Variants in TESMIN observed in about 807,000 individuals in gnomAD.
TESMIN encodes the protein CXC domain containing 2.
A neutral mutation model predicts 47.4 loss-of-function variants in TESMIN; 34 were observed. That is an observed-to-expected ratio of 0.72 (90% CI 0.55 to 0.96). TESMIN has a LOEUF of 0.96. Among genes scored for constraint, TESMIN ranks in the 40% least tolerant of loss-of-function variants. TESMIN has a pLI of 0.00. For synonymous variants in TESMIN, 278 were observed against 258.9 expected (o/e 1.07, Z -0.71); for missense variants, 610 against 637.2 (o/e 0.96, Z 0.46).
intron 6 of TESMIN, among the ~76,000 whole-genome samples, chr11:68,727,580 A>G (rs533864022): frequency 7.7e-4 from 117 of 152,262 alleles, no homozygotes; most frequent in Non-Finnish European, 1.3e-3. Flanking sequence ...ACTCTATGAA[A>G]TAATTGTCCA....
downstream of TESMIN, among the ~76,000 whole-genome samples, chr11:68,706,324 G>A (rs1945997240): frequency 6.6e-6 from 1 of 152,208 alleles, no homozygotes; most frequent in African/African-American, 2.4e-5. Flanking sequence ...GCCCAGGTTG[G>A]CTCTTCCCTC....
In TESMIN at chr11:68,708,105, C is replaced by A; in HGVS notation, c.*203G>T. The A allele has an allele frequency of 3.5e-6, 2 of 573,704 alleles. No individual in the cohort carries two copies. The highest frequency in any genetic ancestry group is 6.2e-6 in the Non-Finnish European group (2 of 323,138). 35.5% of individuals were successfully genotyped at this position (573,704 alleles called of 1,614,324 possible). On this transcript the variant is annotated 3_prime_UTR_variant, in exon 10 of 10. Transcript: ENST00000255087. ...AGCTCTCTCCTCTGGGCCAGACAAA[C>A]AATGCTCAGGCCATGCACCTCCTCA... is the stretch of plus-strand genomic sequence containing the variant.
In TESMIN at chr11:68,718,982, C is replaced by T. The variant is rs1018436335; in HGVS notation, c.918-3043G>A. ...TCCTCATGGAAGCTACTGGAGAAGG[C>T]ACTGCACCAAAATGAGGCTGTGAAT... On this transcript the variant is annotated intron_variant, in intron 6 of 9. Coordinates refer to ENST00000255087, the MANE Select transcript of TESMIN (RefSeq NM_004923.3). Among the ~76,000 whole-genome samples the T allele has an allele frequency of 2.0e-5, 3 of 152,214 alleles. No homozygotes were observed. In the South Asian group the frequency reaches 6.2e-4, roughly 31 times the overall value.
Position 68,707,767 on chromosome 11 carries a change from T to A in TESMIN, c.*541A>T, listed in dbSNP as rs952679694. ...GACAGTTCGCGTGCCTCTGGGGAAA[T>A]ATCTACGCTACAGAAAATCTTTAGG... On this transcript the variant is annotated 3_prime_UTR_variant, in exon 10 of 10. Coordinates refer to ENST00000255087, the MANE Select transcript of TESMIN (RefSeq NM_004923.3). 3 of 452,520 alleles carry A rather than the reference T, an allele frequency of 6.6e-6. No homozygotes were observed. Among genetic ancestry groups the A allele is most frequent in the Non-Finnish European group, 1.3e-5 (3 of 224,028 alleles). 28.0% of individuals were successfully genotyped at this position (452,520 alleles called of 1,614,324 possible).
intron 6 of TESMIN, chr11:68,738,078 T>A (rs1250417335): frequency 2.0e-6 from 2 of 985,630 alleles, no homozygotes; most frequent in African/African-American, 3.5e-5. Flanking sequence ...ACCTGATAAT[T>A]TCAACCAGCT....
chr11:68,736,691 C>T, intron 6 of TESMIN: 1 of 980,868 alleles, frequency 1.0e-6, no homozygotes, highest in East Asian at 1.1e-4. Flanking sequence ...TATTTTGTAA[C>T]ATTCAAAATA....
chr11:68,720,045 A>G (rs6591352), intron 6 of TESMIN, among the ~76,000 whole-genome samples: 103,546 of 151,520 alleles, frequency 0.68, 36,248 homozygotes, highest in East Asian at 0.86. Flanking sequence ...TAGAGTAGAA[A>G]GATACATTAC....
Position 68,708,260 on chromosome 11 carries a change from G to C in TESMIN, c.*48C>G, listed in dbSNP as rs367894994. On this transcript the variant is annotated 3_prime_UTR_variant, in exon 10 of 10. Coordinates refer to ENST00000255087, the MANE Select transcript of TESMIN (RefSeq NM_004923.3). The stretch of plus-strand genomic sequence containing the variant: ...TCCCCTAAACATCCTTTCTAAACTA[G>C]AGATTTCTAGACTAAGACAAAATCA... 1 of 1,503,642 alleles carries C rather than the reference G, an allele frequency of 6.7e-7. No individual in the cohort carries two copies. Among genetic ancestry groups the C allele is most frequent in the Admixed American group, 2.1e-5 (1 of 47,716 alleles). 93.1% of individuals were successfully genotyped at this position (1,503,642 alleles called of 1,614,324 possible). A position where few individuals can be genotyped will look rare whatever the true frequency, so the allele number is the denominator to read the frequency against.
intron 2 of TESMIN, 21 bp downstream of exon 2, chr11:68,750,169 C>G: frequency 6.9e-7 from 1 of 1,446,786 alleles, no homozygotes; most frequent in South Asian, 1.5e-5. Context: ...GAGCTGTGCC[C>G]ATTCCCCAGG....
At position 68,750,190 on chromosome 11, in the gene TESMIN, T is replaced by C; in HGVS notation, c.471A>G (p.Pro157=). 6.8e-7 allele frequency: 1 copy of C among 1,478,262 alleles called. No individual in the cohort carries two copies. The highest frequency in any genetic ancestry group is 1.4e-5 in the South Asian group (1 of 72,078). The allele number at this position is 1,478,262 out of a possible 1,614,324, so 91.6% of individuals were successfully genotyped here. The change falls in exon 2 of 10, where the codon CCA becomes CCG. Residue 157 remains proline, a splice_region_variant and synonymous_variant. Transcript: ENST00000255087. ...GASHPGVRMI[P]VEIKEAGGTT... ...TGCCCATTCCCCAGGCGGTTCTTAC[T>C]GGGATCATGCGGACGCCCGGGTGGG...
intron 6 of TESMIN, among the ~76,000 whole-genome samples, chr11:68,734,336 T>G (rs566945930): frequency 1.3e-5 from 2 of 152,306 alleles, no homozygotes; most frequent in East Asian, 3.9e-4. Context: ...TCCTCTAACG[T>G]GTCTCTGGGT....
intron 6 of TESMIN, among the ~76,000 whole-genome samples, chr11:68,718,821 G>A (rs1946171594): frequency 6.6e-6 from 1 of 152,178 alleles, no homozygotes; most frequent in African/African-American, 2.4e-5. Flanking sequence ...AATGCAGTAA[G>A]GCCTTCAAAA....
intron 6 of TESMIN, among the ~76,000 whole-genome samples, chr11:68,730,297 A>T (rs1010396579): frequency 7.9e-5 from 12 of 152,148 alleles, no homozygotes; most frequent in African/African-American, 2.9e-4. Flanking sequence ...AAGCTGCAGT[A>T]CCTCCAACGC....
rs576009054 is a variant in TESMIN, at chr11:68,724,480, T to C, written c.918-8541A>G. Among the ~76,000 whole-genome samples the C allele has an allele frequency of 5.9e-5, 9 of 152,330 alleles. No homozygotes were observed. In the South Asian group the frequency reaches 1.4e-3, roughly 25 times the overall value. On this transcript the variant is annotated intron_variant, in intron 6 of 9. Transcript: ENST00000255087. ...CAGTGGCAGCAATTGTAGTGGAGCA[T>C]ATGGTTGGCTCACCTCAAGAGTGCA...
chr11:68,727,068 C>CA (rs200624459), intron 6 of TESMIN, among the ~76,000 whole-genome samples: 3,156 of 124,442 alleles, frequency 0.025, 41 homozygotes, highest in African/African-American at 0.043. Flanking sequence ...GATCCTGTCT[C>CA]AAAAAAAAAA....
At position 68,720,393 on chromosome 11, in the gene TESMIN, C is replaced by T. The variant is rs188656819; in HGVS notation, c.918-4454G>A. Among the ~76,000 whole-genome samples, 18 of 152,268 alleles carry T rather than the reference C, an allele frequency of 1.2e-4. No homozygotes were observed. The East Asian group carries it at 3.1e-3, about 26-fold the overall frequency. ...CACATGTGCTCTTATCATTCCTCATCTCCCATTCATTCTTTAACCTTTGCG... is the reference window on the plus strand; with the variant it reads ...CACATGTGCTCTTATCATTCCTCATTTCCCATTCATTCTTTAACCTTTGCG... On this transcript the variant is annotated intron_variant, in intron 6 of 9. Transcript: ENST00000255087.
At chr11:68,726,169 A>C (rs1430905435) in intron 6 of TESMIN, among the ~76,000 whole-genome samples, 2 of 152,194 alleles carry the variant, frequency 1.3e-5, no homozygotes, top group Non-Finnish European at 1.5e-5. Flanking sequence ...CAGGATCCAC[A>C]CATGGACCAG....
At chr11:68,707,270 G>A (rs566155054), downstream of TESMIN, among the ~76,000 whole-genome samples, 2 of 152,230 alleles carry the variant, frequency 1.3e-5, no homozygotes, top group Non-Finnish European at 2.9e-5. Context: ...CCTGGGCCCG[G>A]CAGCCACACT....
At chr11:68,717,502 G>A (rs1443746107) in intron 6 of TESMIN, among the ~76,000 whole-genome samples, 4 of 152,182 alleles carry the variant, frequency 2.6e-5, no homozygotes, top group East Asian at 1.9e-4. Flanking sequence ...GAACTATAGA[G>A]GTCTCTCCTG....
Sources: allele counts gnomAD v4.1 joint callset (sites outside exome capture counted in the v4.1 genomes callset), GRCh38; gene constraint gnomAD v4.1.1; transcripts MANE v1.5; gene names NCBI Gene and HGNC (gene_info 2026-07-23, HGNC 2026-07-21).